ADAMTS16: variants seen among roughly 807,000 people sequenced by gnomAD.
The protein encoded by ADAMTS16 is ADAM metallopeptidase with thrombospondin type 1 motif 16.
Under a neutral mutation model 145.8 loss-of-function variants are expected in ADAMTS16, and 94 were observed. The ratio of observed to expected loss-of-function variants is 0.64; its 90% CI spans 0.55 to 0.77. The LOEUF (loss-of-function observed/expected upper bound fraction) is 0.77. Among genes scored for constraint, ADAMTS16 ranks in the 30% least tolerant of loss-of-function variants. ADAMTS16 has a pLI of 0.00. For synonymous variants in ADAMTS16, 659 were observed against 604.3 expected, an observed-to-expected ratio of 1.09 and a Z score of -1.33; for missense variants, 1,585 against 1,591.5, an observed-to-expected ratio of 1.00 and a Z score of 0.07.
chr5:5,291,643 G>C (rs13162431), intron 18 of ADAMTS16, among the ~76,000 whole-genome samples: 27,585 of 145,580 alleles, frequency 0.19, 3,444 homozygotes, highest in African/African-American at 0.34. Flanking sequence ...GCAGAGCCAC[G>C]GCTTCCCCAC....
chr5:5,184,760 G>A (rs1011791416), intron 4 of ADAMTS16, among the ~76,000 whole-genome samples: 3 of 151,912 alleles, frequency 2.0e-5, no homozygotes, highest in African/African-American at 7.3e-5. Flanking sequence ...TTGCTGAGGG[G>A]TTTTCAGAGC....
intron 10 of ADAMTS16, among the ~76,000 whole-genome samples, chr5:5,218,424 G>A (rs776266659): frequency 2.6e-5 from 4 of 152,156 alleles, no homozygotes; most frequent in Admixed American, 1.3e-4. Context: ...TACAGAGACT[G>A]TGGGGAGCAC....
intron 18 of ADAMTS16, among the ~76,000 whole-genome samples, chr5:5,277,055 C>T (rs1381877213): frequency 6.6e-6 from 1 of 152,164 alleles, no homozygotes; most frequent in Non-Finnish European, 1.5e-5. Flanking sequence ...ATCGCAGATG[C>T]TAAATGTGTT....
At chr5:5,179,632 G>A (rs34913150) in intron 3 of ADAMTS16, among the ~76,000 whole-genome samples, 43,599 of 152,078 alleles carry the variant, frequency 0.29, 6,687 homozygotes, top group Non-Finnish European at 0.35. Context: ...GTGTTGTTGT[G>A]TCTTCGTTTA....
At chr5:5,236,850 T>G in intron 13 of ADAMTS16, 119 bp from the exon 14 acceptor site, 1 of 1,271,834 alleles carries the variant, frequency 7.9e-7, no homozygotes, top group Non-Finnish European at 1.1e-6. Context: ...TTGTAATGTA[T>G]TATTGTGTGG....
At chr5:5,151,678 TTGTGTGTGTGTG>T (rs60381485) in intron 3 of ADAMTS16, among the ~76,000 whole-genome samples, 49,151 of 139,238 alleles carry the variant, frequency 0.35, 8,687 homozygotes, top group Admixed American at 0.45. Flanking sequence ...ATAGTTCCCT[TTGTGTGTGTGTG>T]TGTGTGTGTG....
intron 18 of ADAMTS16, among the ~76,000 whole-genome samples, chr5:5,298,664 ATTG>A (rs10595383): frequency 0.54 from 82,691 of 151,902 alleles, 22,719 homozygotes; most frequent in Non-Finnish European, 0.57. Flanking sequence ...ACATCTCTTT[ATTG>A]TTGAATGGGC....
At chr5:5,297,742 G>A (rs780642550) in intron 18 of ADAMTS16, among the ~76,000 whole-genome samples, 8 of 152,192 alleles carry the variant, frequency 5.3e-5, no homozygotes, top group Non-Finnish European at 8.8e-5. Context: ...TGAAGATGAC[G>A]CCCACAGCGC....
intron 21 of ADAMTS16, among the ~76,000 whole-genome samples, chr5:5,316,758 A>G (rs976676669): frequency 6.6e-6 from 1 of 152,134 alleles, no homozygotes; most frequent in African/African-American, 2.4e-5. Flanking sequence ...GGGGCCTGGG[A>G]ATGTGGGTGA....
At chr5:5,286,501 C>G (rs1016365483) in intron 18 of ADAMTS16, among the ~76,000 whole-genome samples, 1 of 152,080 alleles carries the variant, frequency 6.6e-6, no homozygotes. Flanking sequence ...AAGAATGAAA[C>G]AGTAATTGTT....
chr5:5,141,169 T>A (rs1734158739), intron 2 of ADAMTS16, among the ~76,000 whole-genome samples: 1 of 152,180 alleles, frequency 6.6e-6, no homozygotes, highest in Admixed American at 6.5e-5. Flanking sequence ...TTCCTCCTTC[T>A]CCTCCTTTAT....
At chr5:5,294,072 C>T (rs951366231) in intron 18 of ADAMTS16, among the ~76,000 whole-genome samples, 10 of 152,152 alleles carry the variant, frequency 6.6e-5, no homozygotes, top group East Asian at 1.9e-4. Context: ...TGTTCATGTT[C>T]GCGCTGGAAA....
intron 18 of ADAMTS16, among the ~76,000 whole-genome samples, chr5:5,298,189 G>A (rs1739624743): frequency 6.6e-6 from 1 of 152,184 alleles, no homozygotes; most frequent in South Asian, 2.1e-4. Flanking sequence ...CTGATGTCCT[G>A]ACTGCTGGGT....
At chr5:5,220,284 C>G (rs183447515) in intron 10 of ADAMTS16, among the ~76,000 whole-genome samples, 1 of 150,824 alleles carries the variant, frequency 6.6e-6, no homozygotes, top group East Asian at 2.0e-4. Flanking sequence ...CTCAGCCTCC[C>G]GAGTAGCTGG....
intron 18 of ADAMTS16, among the ~76,000 whole-genome samples, chr5:5,283,911 A>G (rs1739018363): frequency 6.6e-6 from 1 of 152,166 alleles, no homozygotes; most frequent in African/African-American, 2.4e-5. Context: ...GGTGGCTTTA[A>G]TAGTATTTTC....
chr5:5,168,699 TA>T (rs1441539047), intron 3 of ADAMTS16, among the ~76,000 whole-genome samples: 177 of 136,132 alleles, frequency 1.3e-3, no homozygotes, highest in African/African-American at 4.4e-3. Context: ...TATATAAATA[TA>T]ATATATAATA....
chr5:5,223,166 A>AGCCATTGACC (rs1290302001), intron 11 of ADAMTS16: 4 of 422,406 alleles, frequency 9.5e-6, no homozygotes, highest in Non-Finnish European at 1.7e-5. Flanking sequence ...GGAAACATTA[A>AGCCATTGACC]GCCATTGACC....
chr5:5,232,422 C>G lies in ADAMTS16; in HGVS notation c.1756C>G (p.His586Asp), dbSNP rs1284423765. 7 of 1,614,026 alleles carry G rather than the reference C, an allele frequency of 4.3e-6. No homozygotes were observed. The highest frequency in any genetic ancestry group is 5.1e-6 in the Non-Finnish European group (6 of 1,179,996). The change falls in exon 12 of 23, where the codon CAT becomes GAT. Residue 586 changes from histidine (H) to aspartate (D), a missense_variant. By Grantham distance (81) the His-to-Asp change is moderately conservative (BLOSUM62 -1). Transcript: ENST00000274181. ...KYGDEGPKPT[H>D]GHWSDWSSWS... ...TGGTGATGAAGGCCCCAAGCCCACCCATGGCCACTGGTCGGACTGGTCTTC... is the reference window on the plus strand; with the variant it reads ...TGGTGATGAAGGCCCCAAGCCCACCGATGGCCACTGGTCGGACTGGTCTTC...
chr5:5,152,591 G>A (rs988549578), intron 3 of ADAMTS16, among the ~76,000 whole-genome samples: 1 of 152,216 alleles, frequency 6.6e-6, no homozygotes, highest in Non-Finnish European at 1.5e-5. Context: ...AGTTGGCTGG[G>A]GGTAAGGAAA....
Sources: gnomAD v4.1 joint callset for allele counts (sites outside exome capture counted in the v4.1 genomes callset) on GRCh38, gnomAD v4.1.1 for gene constraint, MANE v1.5 for transcripts, NCBI Gene and HGNC (gene_info 2026-07-23, HGNC 2026-07-21) for gene names.